Variants in NTNG1 observed in about 807,000 individuals in gnomAD.
The protein encoded by NTNG1 is netrin G1.
Under a neutral mutation model 54.0 loss-of-function variants are expected in NTNG1, and 16 were observed. That is an observed-to-expected ratio of 0.30 (90% CI 0.20 to 0.45). The LOEUF (loss-of-function observed/expected upper bound fraction) is 0.45, where lower values mean the gene tolerates loss of function less well. Among genes scored for constraint, NTNG1 ranks in the 20% least tolerant of loss-of-function variants. NTNG1 has a pLI of 1.00. For missense variants in NTNG1, 530 were observed against 678.7 expected (o/e 0.78, Z 2.43); for synonymous variants, 255 against 263.1 (o/e 0.97, Z 0.30).
chr1:107,297,630 T>C (rs1259859245), intron 2 of NTNG1, among the ~76,000 whole-genome samples: 1 of 152,102 alleles, frequency 6.6e-6, no homozygotes, highest in East Asian at 1.9e-4. Flanking sequence ...GATGTCAGGA[T>C]CATTTCTGTA....
chr1:107,261,439 A>G (rs544104586), intron 2 of NTNG1, among the ~76,000 whole-genome samples: 1 of 152,038 alleles, frequency 6.6e-6, no homozygotes, highest in East Asian at 1.9e-4. Flanking sequence ...TTTTGTCTGC[A>G]TGTTTCACAG....
intron 2 of NTNG1, among the ~76,000 whole-genome samples, chr1:107,222,495 T>G (rs1660409872): frequency 1.3e-5 from 2 of 152,170 alleles, no homozygotes; most frequent in Non-Finnish European, 2.9e-5. Context: ...AGGCAAAGTT[T>G]AGCAGAGTGC....
At chr1:107,376,305 G>A (rs1671235959) in intron 3 of NTNG1, among the ~76,000 whole-genome samples, 1 of 152,196 alleles carries the variant, frequency 6.6e-6, no homozygotes, top group East Asian at 1.9e-4. Context: ...CTACTCGGGA[G>A]GCTGAGGCAT....
chr1:107,454,891 T>A (rs1558012125), intron 7 of NTNG1, among the ~76,000 whole-genome samples: 1 of 152,090 alleles, frequency 6.6e-6, no homozygotes. Flanking sequence ...AGAAGAGAAA[T>A]GAATGAGGCT....
chr1:107,236,458 C>G (rs530204558), intron 2 of NTNG1, among the ~76,000 whole-genome samples: 1 of 152,102 alleles, frequency 6.6e-6, no homozygotes, highest in South Asian at 2.1e-4. Context: ...AAGACAGAGG[C>G]AAAGTGAAGT....
At chr1:107,273,590 C>T (rs920570552) in intron 2 of NTNG1, among the ~76,000 whole-genome samples, 1 of 152,186 alleles carries the variant, frequency 6.6e-6, no homozygotes, top group Non-Finnish European at 1.5e-5. Flanking sequence ...CCACAGAATG[C>T]CTCATGCGGT....
intron 5 of NTNG1, among the ~76,000 whole-genome samples, chr1:107,428,939 A>C (rs182956261): frequency 6.6e-6 from 1 of 151,900 alleles, no homozygotes; most frequent in African/African-American, 2.4e-5. Flanking sequence ...TTTACTACTA[A>C]ATTTATATGG....
intron 2 of NTNG1, among the ~76,000 whole-genome samples, chr1:107,200,045 AC>A (rs1658623474): frequency 6.6e-6 from 1 of 152,008 alleles, no homozygotes; most frequent in Admixed American, 6.6e-5. Context: ...ACTAGACATG[AC>A]AAGTACTATG....
chr1:107,366,292 A>G (rs1204318000), intron 3 of NTNG1, among the ~76,000 whole-genome samples: 5 of 152,198 alleles, frequency 3.3e-5, no homozygotes, highest in Non-Finnish European at 7.3e-5. Context: ...ATGGAATACT[A>G]CCTACAAATA....
At chr1:107,192,214 G>A (rs972122676) in intron 2 of NTNG1, among the ~76,000 whole-genome samples, 1 of 151,798 alleles carries the variant, frequency 6.6e-6, no homozygotes, top group Non-Finnish European at 1.5e-5. Context: ...TTTCACTCAT[G>A]ATTTGGCTCT....
intron 2 of NTNG1, among the ~76,000 whole-genome samples, chr1:107,199,250 C>G (rs1658551671): frequency 6.7e-6 from 1 of 150,150 alleles, no homozygotes; most frequent in South Asian, 2.1e-4. Context: ...TCTCATGTAG[C>G]CAGATCTCTT....
chr1:107,404,504 T>C (rs1254121722), intron 4 of NTNG1, among the ~76,000 whole-genome samples: 1 of 152,188 alleles, frequency 6.6e-6, no homozygotes, highest in Non-Finnish European at 1.5e-5. Context: ...TTATAGGGGA[T>C]AAAATCACCC....
chr1:107,208,680 C>T (rs1240907833), intron 2 of NTNG1, among the ~76,000 whole-genome samples: 1 of 152,102 alleles, frequency 6.6e-6, no homozygotes, highest in East Asian at 1.9e-4. Context: ...CTCCCACTTC[C>T]AGTGACCAAG....
At chr1:107,262,769 CTCTT>C (rs1663441855) in intron 2 of NTNG1, among the ~76,000 whole-genome samples, 1 of 152,184 alleles carries the variant, frequency 6.6e-6, no homozygotes, top group African/African-American at 2.4e-5. Flanking sequence ...GAAAAACAAT[CTCTT>C]CATTCACCTC....
intron 2 of NTNG1, among the ~76,000 whole-genome samples, chr1:107,225,354 G>T (rs1035700602): frequency 1.3e-5 from 2 of 151,348 alleles, no homozygotes; most frequent in African/African-American, 2.4e-5. Flanking sequence ...TGGGACAAAG[G>T]AAAATAAAGT....
chr1:107,417,837 A>G (rs1169230148), intron 5 of NTNG1, among the ~76,000 whole-genome samples: 3 of 152,134 alleles, frequency 2.0e-5, no homozygotes, highest in South Asian at 2.1e-4. Context: ...TCTGCCTTCC[A>G]TAACTGGAAG....
At chr1:107,193,661 G>C (rs2101218080) in intron 2 of NTNG1, among the ~76,000 whole-genome samples, 1 of 151,996 alleles carries the variant, frequency 6.6e-6, no homozygotes, top group South Asian at 2.1e-4. Context: ...CCAAGTGAAG[G>C]TTCAGGCATT....
chr1:107,413,564 A>G (rs1673989515), intron 5 of NTNG1, among the ~76,000 whole-genome samples: 1 of 152,032 alleles, frequency 6.6e-6, no homozygotes, highest in Non-Finnish European at 1.5e-5. Flanking sequence ...GTTTCCTCAT[A>G]TGCCAGGGAA....
intron 7 of NTNG1, among the ~76,000 whole-genome samples, chr1:107,461,049 G>A (rs1415734233): frequency 2.0e-5 from 3 of 152,184 alleles, no homozygotes; most frequent in Non-Finnish European, 4.4e-5. Flanking sequence ...GGTGAAACAA[G>A]ACAGAGAAGG....
Sources: gnomAD v4.1 joint callset for allele counts (sites outside exome capture counted in the v4.1 genomes callset) on GRCh38, gnomAD v4.1.1 for gene constraint, MANE v1.5 for transcripts, NCBI Gene and HGNC (gene_info 2026-07-23, HGNC 2026-07-21) for gene names.